WHRN: variants seen among roughly 807,000 people sequenced by gnomAD.
WHRN encodes whirlin.
A neutral mutation model predicts 68.3 loss-of-function variants in WHRN; 41 were observed. The ratio of observed to expected loss-of-function variants is 0.60; its 90% confidence interval spans 0.47 to 0.78. WHRN has a LOEUF of 0.78. Among genes scored for constraint, WHRN ranks in the 30% least tolerant of loss-of-function variants. The pLI is 0.00. For synonymous variants in WHRN, 560 were observed against 561.3 expected, an observed-to-expected ratio of 1.00 and a Z score of 0.03; for missense variants, 1,243 against 1,244.7, an observed-to-expected ratio of 1.00 and a Z score of 0.02.
chr9:114,486,976 TA>T (rs1208591782), intron 1 of WHRN, among the ~76,000 whole-genome samples: 4 of 2,292 alleles, frequency 1.7e-3, no homozygotes, highest in Non-Finnish European at 3.6e-3. Context: ...TATATATATA[TA>T]TATATATATA....
intron 1 of WHRN, among the ~76,000 whole-genome samples, chr9:114,481,692 A>G (rs2133174057): frequency 6.6e-6 from 1 of 152,232 alleles, no homozygotes; most frequent in South Asian, 2.1e-4. Flanking sequence ...GCTCCTTCCT[A>G]GACAGACTGC....
chr9:114,415,745 T>C (rs1285789462), intron 7 of WHRN, among the ~76,000 whole-genome samples: 5 of 152,158 alleles, frequency 3.3e-5, no homozygotes, highest in African/African-American at 7.2e-5. Flanking sequence ...GGCTGCTGCA[T>C]AGAAGAAGGA....
intron 2 of WHRN, among the ~76,000 whole-genome samples, chr9:114,473,745 T>A (rs536384249): frequency 6.6e-6 from 1 of 152,196 alleles, no homozygotes; most frequent in East Asian, 1.9e-4. Flanking sequence ...GTGGAAGCAA[T>A]AGAAGCAGGA....
chr9:114,415,604 C>T (rs1835762205), intron 7 of WHRN, among the ~76,000 whole-genome samples: 1 of 152,214 alleles, frequency 6.6e-6, no homozygotes, highest in South Asian at 2.1e-4. Flanking sequence ...TGTTCTCACA[C>T]CACCCTTCAG....
intron 7 of WHRN, 63 bp from the exon 8 acceptor site, chr9:114,408,081 C>A: frequency 3.7e-6 from 5 of 1,366,096 alleles, no homozygotes; most frequent in South Asian, 1.2e-5. Context: ...CTGGTTTGTT[C>A]TCCAGCACAC....
rs1312082449 is a variant in WHRN at position 114,504,610 on chromosome 9, A to G, written c.192T>C (p.Ala64=). The G allele has an allele frequency of 1.2e-6, 2 of 1,611,134 alleles. No individual in the cohort carries two copies. Among genetic ancestry groups the G allele is most frequent in the African/African-American group, 1.3e-5 (1 of 74,928 alleles). ...EREQFTHCLN[A]YHARRNVFDL... ...CGAAGACGTTGCGGCGCGCGTGGTA[A>G]GCGTTCAGGCAGTGGGTGAACTGCT... The change falls in exon 1 of 12, where the codon GCT becomes GCC. Residue 64 remains alanine (A), a synonymous_variant. Transcript: ENST00000362057.
At position 114,407,975 on chromosome 9, in the gene WHRN, T is replaced by C. The variant is rs1402399400; in HGVS notation, c.1670A>G (p.Asn557Ser). The change falls in exon 8 of 12, where the codon AAT becomes AGT. Residue 557 changes from asparagine to serine, a missense_variant. Physicochemically the swap from Asn to Ser is conservative, Grantham distance 46 (BLOSUM62 1). Coordinates refer to ENST00000362057, the MANE Select transcript of WHRN (RefSeq NM_015404.4). ...GGACACATCTGGGAGGGCGTTGATA[T>C]TGCCCTGGACAGCCTCGCCAGTTTC... ...LEETGEAVQGNINALPDVSVD... is the reference protein window; with the variant it reads ...LEETGEAVQGSINALPDVSVD... The C allele has an allele frequency of 1.2e-6, 2 of 1,604,438 alleles. No homozygotes were observed. Among genetic ancestry groups the C allele is most frequent in the African/African-American group, 2.7e-5 (2 of 74,820 alleles).
intron 2 of WHRN, among the ~76,000 whole-genome samples, chr9:114,470,071 G>A (rs9657665): frequency 0.34 from 52,408 of 151,996 alleles, 10,278 homozygotes; most frequent in African/African-American, 0.54. Context: ...AGACCATCAC[G>A]TACTCACATC....
intron 7 of WHRN, among the ~76,000 whole-genome samples, chr9:114,415,215 C>G (rs998215702): frequency 6.6e-6 from 1 of 151,786 alleles, no homozygotes; most frequent in South Asian, 2.1e-4. Context: ...GTGGGAGGAC[C>G]ACTTAAGCCC....
At chr9:114,433,232 G>T (rs1489367885) in intron 3 of WHRN, among the ~76,000 whole-genome samples, 1 of 152,220 alleles carries the variant, frequency 6.6e-6, no homozygotes, top group African/African-American at 2.4e-5. Context: ...CCGATGAAGG[G>T]AACTGGCAGG....
chr9:114,417,427 G>T (rs563115492), intron 7 of WHRN, among the ~76,000 whole-genome samples: 1 of 152,226 alleles, frequency 6.6e-6, no homozygotes, highest in Non-Finnish European at 1.5e-5. Flanking sequence ...TTAGAAGGCC[G>T]CATAGTAGAA....
intron 1 of WHRN, among the ~76,000 whole-genome samples, chr9:114,494,691 G>C (rs1843295897): frequency 6.6e-6 from 1 of 152,186 alleles, no homozygotes; most frequent in Admixed American, 6.5e-5. Flanking sequence ...GGGATGACTG[G>C]CAAGTGACAA....
intron 3 of WHRN, among the ~76,000 whole-genome samples, chr9:114,458,739 T>C (rs1426940904): frequency 6.6e-6 from 1 of 152,074 alleles, no homozygotes; most frequent in Non-Finnish European, 1.5e-5. Context: ...CATCATGCTC[T>C]GCATGGAAAT....
At position 114,402,118 on chromosome 9, in the gene WHRN, A is replaced by C. The variant is rs1311870422; in HGVS notation, c.*636T>G. 1 of 155,736 alleles carries C rather than the reference A, an allele frequency of 6.4e-6. No homozygotes were observed. Among genetic ancestry groups the C allele is most frequent in the Non-Finnish European group, 1.4e-5 (1 of 69,970 alleles). The allele number at this position is 155,736 out of a possible 1,614,324, so 9.6% of individuals were successfully genotyped here. ...ATTTCTTTATTGAAAAATTAAAGTC[A>C]TAAGCTCTGTATATAAATACAATGA... On this transcript the variant is annotated 3_prime_UTR_variant, in exon 12 of 12. Coordinates refer to ENST00000362057, the MANE Select transcript of WHRN (RefSeq NM_015404.4).
chr9:114,403,250 G>T lies in WHRN; in HGVS notation c.2508C>A (p.Thr836=). ...TGACAATCCTAGGCAGGGGCTGGCG[G>T]GTGTTGGCGCCACCCTCGATGGCGA... ...LGIAIEGGAN[T]RQPLPRIVTI... Residue 836 remains threonine, a synonymous_variant, in exon 11 of 12, where the codon ACC becomes ACA. Coordinates refer to ENST00000362057, the MANE Select transcript of WHRN (RefSeq NM_015404.4). 1 of 1,614,188 alleles carries T rather than the reference G, an allele frequency of 6.2e-7. No homozygotes were observed. Among genetic ancestry groups the T allele is most frequent in the Non-Finnish European group, 8.5e-7 (1 of 1,180,032 alleles).
At chr9:114,495,776 T>C (rs1213337186) in intron 1 of WHRN, among the ~76,000 whole-genome samples, 2 of 151,964 alleles carry the variant, frequency 1.3e-5, no homozygotes, top group Admixed American at 6.6e-5. Flanking sequence ...TATGATTCTC[T>C]AAAGAGAAAG....
chr9:114,484,974 A>G (rs1842367543), intron 1 of WHRN, among the ~76,000 whole-genome samples: 1 of 152,166 alleles, frequency 6.6e-6, no homozygotes, highest in Non-Finnish European at 1.5e-5. Flanking sequence ...TGGCAGACGC[A>G]CACATGCTTC....
chr9:114,432,050 G>A (rs968020476), intron 3 of WHRN, among the ~76,000 whole-genome samples: 51 of 152,166 alleles, frequency 3.4e-4, no homozygotes, highest in African/African-American at 1.2e-3. Context: ...AAAGATAAAC[G>A]AATAAAGGCA....
rs146129977 is a variant in WHRN at position 114,452,099 on chromosome 9, C to T, written c.963+14168G>A. 4.3e-3 allele frequency among the ~76,000 whole-genome samples: 655 copies of T among 152,288 alleles called. 2 individuals carry two copies. The highest frequency in any genetic ancestry group is 0.015 in the African/African-American group (614 of 41,556). ...TGACTTATTTCTGTTACTACTATTT[C>T]CTCAGCAACATAGGAAAGGTAAAGA... On this transcript the variant is annotated intron_variant, in intron 3 of 11. Transcript: ENST00000362057.
Sources: gnomAD v4.1 joint callset for allele counts (sites outside exome capture counted in the v4.1 genomes callset) on GRCh38, gnomAD v4.1.1 for gene constraint, MANE v1.5 for transcripts, NCBI Gene and HGNC (gene_info 2026-07-23, HGNC 2026-07-21) for gene names.